KHDRBS2: variants seen among roughly 807,000 people sequenced by gnomAD.
KHDRBS2 encodes the protein KH RNA binding domain containing, signal transduction associated 2.
In KHDRBS2, 26 loss-of-function variants were observed where a neutral mutation model predicts 44.3. The ratio of observed to expected loss-of-function variants is 0.59; its 90% CI spans 0.43 to 0.81. The LOEUF is 0.81. Ranked by LOEUF, KHDRBS2 falls within the 40% of genes least tolerant of loss-of-function variation. The pLI is 0.00. For synonymous variants in KHDRBS2, 194 were observed against 151.1 expected (o/e 1.28, Z -2.08); for missense variants, 476 against 433.1 (o/e 1.10, Z -0.88).
intron 2 of KHDRBS2, among the ~76,000 whole-genome samples, chr6:62,054,087 T>C (rs1201921027): frequency 6.6e-5 from 10 of 152,108 alleles, no homozygotes; most frequent in South Asian, 2.1e-4. Context: ...CAATGGCGTA[T>C]AGATTTCTAG....
intron 4 of KHDRBS2, among the ~76,000 whole-genome samples, chr6:61,958,428 A>T (rs752620947): frequency 6.6e-6 from 1 of 152,176 alleles, no homozygotes; most frequent in Non-Finnish European, 1.5e-5. Context: ...GCCACCCTTC[A>T]TGCTGTTGTC....
intron 2 of KHDRBS2, among the ~76,000 whole-genome samples, chr6:62,097,798 T>C (rs1487422360): frequency 6.6e-6 from 1 of 152,140 alleles, no homozygotes; most frequent in Non-Finnish European, 1.5e-5. Flanking sequence ...TGCACACGTT[T>C]ATATGCAGTT....
At chr6:62,197,687 A>C (rs1477832534) in intron 1 of KHDRBS2, among the ~76,000 whole-genome samples, 1 of 152,156 alleles carries the variant, frequency 6.6e-6, no homozygotes, top group Non-Finnish European at 1.5e-5. Flanking sequence ...ACCAGACAGA[A>C]AGTTAACAAG....
chr6:62,097,658 T>C (rs1412266628), intron 2 of KHDRBS2, among the ~76,000 whole-genome samples: 1 of 152,126 alleles, frequency 6.6e-6, no homozygotes, highest in East Asian at 1.9e-4. Context: ...TTGGATCTTG[T>C]TTTTTCAATC....
intron 3 of KHDRBS2, among the ~76,000 whole-genome samples, chr6:62,045,308 T>TA (rs1248992208): frequency 1.3e-5 from 2 of 152,034 alleles, no homozygotes; most frequent in African/African-American, 4.8e-5. Context: ...TAGATATAGC[T>TA]ATGGTTATAC....
chr6:61,620,117 T>C, the KHDRBS2 span, among the ~76,000 whole-genome samples: 5 of 152,120 alleles, frequency 3.3e-5, no homozygotes. Flanking sequence ...TTTATTTGCC[T>C]AAATCAGTTT....
At chr6:61,626,112 T>C in the KHDRBS2 span, among the ~76,000 whole-genome samples, 2 of 152,228 alleles carry the variant, frequency 1.3e-5, no homozygotes, top group African/African-American at 4.8e-5. Context: ...TATATTCCTC[T>C]TCTACTTATA....
At chr6:61,561,137 A>G in the KHDRBS2 span, among the ~76,000 whole-genome samples, 3 of 152,064 alleles carry the variant, frequency 2.0e-5, no homozygotes, top group Non-Finnish European at 2.9e-5. Flanking sequence ...CTGGATTACC[A>G]ATTAGAGACT....
chr6:62,219,978 A>G (rs1830630015), intron 1 of KHDRBS2, among the ~76,000 whole-genome samples: 1 of 148,818 alleles, frequency 6.7e-6, no homozygotes, highest in African/African-American at 2.4e-5. Flanking sequence ...AATATATAGT[A>G]CATATGTATA....
intron 6 of KHDRBS2, among the ~76,000 whole-genome samples, chr6:61,771,125 G>C (rs7755186): frequency 0.031 from 4,665 of 152,072 alleles, 249 homozygotes; most frequent in African/African-American, 0.11. Context: ...ACTTTACAGA[G>C]AAGCAAATGC....
rs568659375 is a variant in KHDRBS2, at chr6:62,164,025, C to T, written c.219+13160G>A. Among the ~76,000 whole-genome samples, 16 of 151,926 alleles carry T rather than the reference C, an allele frequency of 1.1e-4. No individual in the cohort carries two copies. The South Asian group carries it at 1.9e-3, about 18-fold the overall frequency. On this transcript the variant is annotated intron_variant, in intron 2 of 8. Coordinates refer to ENST00000281156, the MANE Select transcript of KHDRBS2 (RefSeq NM_152688.4). Reference sequence around the variant, plus strand: ...ATCTACTCATAAACCAGAAATAAAACGTGCATTTTTTTTCATAAAGACAAA... The same window carrying T: ...ATCTACTCATAAACCAGAAATAAAATGTGCATTTTTTTTCATAAAGACAAA...
chr6:61,958,141 C>G (rs1474540386), intron 4 of KHDRBS2, among the ~76,000 whole-genome samples: 2 of 152,138 alleles, frequency 1.3e-5, no homozygotes, highest in Non-Finnish European at 2.9e-5. Context: ...CCATTTCCCT[C>G]TGTTCTCTGT....
chr6:61,962,203 C>A (rs571044440), intron 4 of KHDRBS2, among the ~76,000 whole-genome samples: 31 of 152,176 alleles, frequency 2.0e-4, no homozygotes, highest in Non-Finnish European at 3.2e-4. Flanking sequence ...TATTGTGTTG[C>A]TAATCAAAAG....
intron 1 of KHDRBS2, among the ~76,000 whole-genome samples, chr6:62,187,258 A>G (rs947942552): frequency 1.3e-5 from 2 of 152,176 alleles, no homozygotes; most frequent in Non-Finnish European, 2.9e-5. Context: ...AATTTTTCCA[A>G]TTGTACAGCA....
chr6:61,776,636 C>G (rs529196641), intron 6 of KHDRBS2, among the ~76,000 whole-genome samples: 2 of 152,144 alleles, frequency 1.3e-5, no homozygotes, highest in African/African-American at 2.4e-5. Context: ...AGTCAGGAAA[C>G]AACAGGTGCT....
At chr6:61,902,848 G>T (rs1415210622) in intron 4 of KHDRBS2, among the ~76,000 whole-genome samples, 1 of 151,580 alleles carries the variant, frequency 6.6e-6, no homozygotes, top group Admixed American at 6.6e-5. Flanking sequence ...CTAGAAAATG[G>T]CAGGGAAGCA....
At chr6:62,192,145 G>T (rs1488305707) in intron 1 of KHDRBS2, among the ~76,000 whole-genome samples, 1 of 151,912 alleles carries the variant, frequency 6.6e-6, no homozygotes, top group Admixed American at 6.6e-5. Context: ...CAATATATCT[G>T]ATCAATCAGT....
chr6:61,732,321 C>T (rs1774603171), intron 7 of KHDRBS2, among the ~76,000 whole-genome samples: 1 of 150,978 alleles, frequency 6.6e-6, no homozygotes, highest in African/African-American at 2.4e-5. Context: ...TTATCTTTTA[C>T]AAATAAATGT....
At chr6:61,755,965 T>C (rs1378676020) in intron 6 of KHDRBS2, among the ~76,000 whole-genome samples, 6 of 152,228 alleles carry the variant, frequency 3.9e-5, no homozygotes, top group Non-Finnish European at 8.8e-5. Flanking sequence ...CACTTTTCAG[T>C]GATTAAGCAA....
Sources: gnomAD v4.1 joint callset for allele counts (sites outside exome capture counted in the v4.1 genomes callset) on GRCh38, gnomAD v4.1.1 for gene constraint, MANE v1.5 for transcripts, NCBI Gene and HGNC (gene_info 2026-07-23, HGNC 2026-07-21) for gene names.